The following RAB11B variants were observed in gnomAD, a reference collection of about 807,000 sequenced individuals.
The protein encoded by RAB11B is ras-related protein Rab-11B.
Under a neutral mutation model 23.7 loss-of-function variants are expected in RAB11B, and 7 were observed. That is an observed-to-expected ratio of 0.29 (90% CI 0.17 to 0.55). The LOEUF (loss-of-function observed/expected upper bound fraction) is 0.55. Among genes scored for constraint, RAB11B ranks in the 20% least tolerant of loss-of-function variants. The pLI is 0.93. For missense variants in RAB11B, 189 were observed against 320.0 expected (o/e 0.59, Z 3.12); for synonymous variants, 138 against 132.0 (o/e 1.05, Z -0.31).
chr19:8,390,554 C>A, intron 1 of RAB11B, 98 bp downstream of exon 1: 1 of 1,257,934 alleles, frequency 7.9e-7, no homozygotes, highest in Non-Finnish European at 1.0e-6. Context: ...CAGGCCGGAG[C>A]CCGGGGCTTG....
intron 1 of RAB11B, among the ~76,000 whole-genome samples, chr19:8,391,020 G>A (rs1971347638): frequency 6.6e-6 from 1 of 152,110 alleles, no homozygotes; most frequent in Admixed American, 6.5e-5. Flanking sequence ...TGTGGTGGTG[G>A]GAGCCTTGGA....
intron 1 of RAB11B, among the ~76,000 whole-genome samples, chr19:8,398,458 C>A (rs902745237): frequency 1.3e-5 from 2 of 152,230 alleles, no homozygotes; most frequent in African/African-American, 4.8e-5. Flanking sequence ...GACTGCCACA[C>A]GGACTGCCCC....
chr19:8,394,342 G>A (rs999759155), intron 1 of RAB11B, among the ~76,000 whole-genome samples: 2 of 152,196 alleles, frequency 1.3e-5, no homozygotes, highest in African/African-American at 4.8e-5. Context: ...TTTTAGTAGA[G>A]ACGGGGTTTC....
In RAB11B at chr19:8,390,392, C is replaced by G. The variant is rs1207035747; in HGVS notation, c.-25C>G. ...GTTTGTGGTGGGGCTGCGGAGTCGC[C>G]GATCCCGCCGGAAGCGCCAGGACAA... On this transcript the variant is annotated 5_prime_UTR_variant, in exon 1 of 5. Transcript: ENST00000328024. 6 of 1,527,506 alleles carry G rather than the reference C, an allele frequency of 3.9e-6. No individual in the cohort carries two copies. The highest frequency in any genetic ancestry group is 1.4e-5 in the African/African-American group (1 of 69,182). The allele number at this position is 1,527,506 out of a possible 1,614,324, so 94.6% of individuals were successfully genotyped here.
chr19:8,403,599 C>T lies in RAB11B; in HGVS notation c.*41C>T, dbSNP rs781532025. Reference sequence around the variant, plus strand: ...CCAGCGTGCGTGCACGTCCTCCGCCCGCCCCCGCCACGGTATCCTCTGGCC... The same window carrying T: ...CCAGCGTGCGTGCACGTCCTCCGCCTGCCCCCGCCACGGTATCCTCTGGCC... On this transcript the variant is annotated 3_prime_UTR_variant, in exon 5 of 5. Transcript: ENST00000328024. The T allele has an allele frequency of 6.3e-6, 10 of 1,579,708 alleles. No homozygotes were observed. Among genetic ancestry groups the T allele is most frequent in the African/African-American group, 2.7e-5 (2 of 74,624 alleles).
chr19:8,397,727 G>T (rs1277446185), intron 1 of RAB11B, among the ~76,000 whole-genome samples: 1 of 152,072 alleles, frequency 6.6e-6, no homozygotes, highest in East Asian at 1.9e-4. Context: ...TGCCTGGTGG[G>T]CTCCAGGGCC....
chr19:8,396,238 T>G lies in RAB11B; in HGVS notation c.41-3625T>G, dbSNP rs1971395634. On this transcript the variant is annotated intron_variant, in intron 1 of 4. Transcript: ENST00000328024. The surrounding 1 kb of genome is among the most constrained non-coding windows in gnomAD (Gnocchi z 5.0). ...GCTGCCTGATCCTGCCCTCCTCACC[T>G]GTGGCCCAAGGGTGGTGACCTGGCA... Among the ~76,000 whole-genome samples, 1 of 152,216 alleles carries G rather than the reference T, an allele frequency of 6.6e-6. No homozygotes were observed. The highest frequency in any genetic ancestry group is 1.5e-5 in the Non-Finnish European group (1 of 68,036).
intron 4 of RAB11B, 145 bp from the exon 5 acceptor site, chr19:8,403,268 G>A (rs181690068): frequency 1.2e-5 from 12 of 1,030,706 alleles, no homozygotes; most frequent in Middle Eastern, 2.2e-4. Context: ...GGCTGGGTGC[G>A]CAGCCCCTGT....
At chr19:8,395,246 A>C (rs1456449117) in intron 1 of RAB11B, among the ~76,000 whole-genome samples, 1 of 146,060 alleles carries the variant, frequency 6.8e-6, no homozygotes, top group Non-Finnish European at 1.5e-5. Flanking sequence ...ACACGCCTAC[A>C]TTCACTCCAC....
rs1264637287 is a variant in RAB11B at position 8,396,277 on chromosome 19, G to A, written c.41-3586G>A. Reference sequence around the variant, plus strand: ...GGTGACCTGGCATCCTCTAGGTATGGGGCAGGCGGCATGCGTGGGAGGCTC... The same window carrying A: ...GGTGACCTGGCATCCTCTAGGTATGAGGCAGGCGGCATGCGTGGGAGGCTC... On this transcript the variant is annotated intron_variant, in intron 1 of 4. Transcript: ENST00000328024. This position sits in a 1 kb window ranked among gnomAD's most constrained non-coding sequence, Gnocchi z 5.0. Among the ~76,000 whole-genome samples the A allele has an allele frequency of 1.3e-5, 2 of 152,176 alleles. No individual in the cohort carries two copies. Among genetic ancestry groups the A allele is most frequent in the Non-Finnish European group, 2.9e-5 (2 of 68,034 alleles).
At chr19:8,392,284 A>G (rs1348100723) in intron 1 of RAB11B, among the ~76,000 whole-genome samples, 1 of 152,144 alleles carries the variant, frequency 6.6e-6, no homozygotes, top group Non-Finnish European at 1.5e-5. Context: ...TGCTTGCTCA[A>G]GTCATGGTTT....
chr19:8,391,327 C>T (rs1971350989), intron 1 of RAB11B, among the ~76,000 whole-genome samples: 1 of 152,130 alleles, frequency 6.6e-6, no homozygotes, highest in African/African-American at 2.4e-5. Context: ...TCTTAGGGGG[C>T]TTGTGGCCAG....
At position 8,403,688 on chromosome 19, in the gene RAB11B, GC is replaced by G; in HGVS notation, c.*132del. ...CTCCCAGTGAGCTCTGCACGGCCGG[GC>G]CGGGGCCCAGGAAGGACAGGAGCCA... On this transcript the variant is annotated 3_prime_UTR_variant, in exon 5 of 5. Coordinates refer to ENST00000328024, the MANE Select transcript of RAB11B (RefSeq NM_004218.4). The G allele has an allele frequency of 7.5e-7, 1 of 1,339,708 alleles. No homozygotes were observed. Among genetic ancestry groups the G allele is most frequent in the Non-Finnish European group, 1.0e-6 (1 of 1,003,422 alleles). 83.0% of individuals were successfully genotyped at this position (1,339,708 alleles called of 1,614,324 possible).
chr19:8,399,459 G>A (rs974172273), intron 1 of RAB11B, among the ~76,000 whole-genome samples: 20 of 152,348 alleles, frequency 1.3e-4, no homozygotes, highest in African/African-American at 4.8e-4. Flanking sequence ...GTCCAGAGGT[G>A]AAGTGACTTG....
At chr19:8,400,794 C>T (rs1291417070) in intron 2 of RAB11B, among the ~76,000 whole-genome samples, 2 of 152,122 alleles carry the variant, frequency 1.3e-5, no homozygotes, top group Admixed American at 1.3e-4. Context: ...CCACATTGGT[C>T]AGGCTGGTCT....
In RAB11B at chr19:8,402,471, A is replaced by C. The variant is rs2145513571; in HGVS notation, c.431-14A>C. The C allele has an allele frequency of 1.9e-6, 3 of 1,610,870 alleles. No individual in the cohort carries two copies. Among genetic ancestry groups the C allele is most frequent in the South Asian group, 1.1e-5 (1 of 90,998 alleles). On this transcript the variant is annotated splice_polypyrimidine_tract_variant and intron_variant, in intron 3 of 4. Coordinates refer to ENST00000328024, the MANE Select transcript of RAB11B (RefSeq NM_004218.4). Reference sequence around the variant, plus strand: ...CTGCCTCCCCACTCACCTAGGCAGTATTCTTTGTTCCAGAAAAGAACAACT... The same window carrying C: ...CTGCCTCCCCACTCACCTAGGCAGTCTTCTTTGTTCCAGAAAAGAACAACT...
chr19:8,395,761 G>A (rs572997293), intron 1 of RAB11B, among the ~76,000 whole-genome samples: 42 of 152,310 alleles, frequency 2.8e-4, no homozygotes, highest in South Asian at 1.7e-3. Context: ...TGCCCTATGC[G>A]GTGGGAGCTG....
intron 1 of RAB11B, among the ~76,000 whole-genome samples, chr19:8,397,854 T>C (rs1186042800): frequency 6.6e-6 from 1 of 152,034 alleles, no homozygotes; most frequent in African/African-American, 2.4e-5. Flanking sequence ...TACCCATCTC[T>C]TCCCAGACAA....
At chr19:8,399,836 T>G (rs1020867542) in intron 1 of RAB11B, 27 bp from the exon 2 acceptor site, 4 of 1,604,868 alleles carry the variant, frequency 2.5e-6, no homozygotes, top group African/African-American at 1.3e-5. Flanking sequence ...AGTGTGGGGA[T>G]TCACAGAACC....
Sources: gnomAD v4.1 joint callset for allele counts (sites outside exome capture counted in the v4.1 genomes callset) on GRCh38, gnomAD v4.1.1 for gene constraint, Gnocchi (gnomAD v3.1) non-coding constraint, MANE v1.5 for transcripts, NCBI Gene and HGNC (gene_info 2026-07-23, HGNC 2026-07-21) for gene names.